PDE4B: variants seen among roughly 807,000 people sequenced by gnomAD.
PDE4B encodes the protein 3',5'-cyclic-AMP phosphodiesterase 4B.
A neutral mutation model predicts 82.2 loss-of-function variants in PDE4B; 20 were observed. The ratio of observed to expected loss-of-function variants is 0.24; its 90% CI spans 0.17 to 0.35. The LOEUF (loss-of-function observed/expected upper bound fraction) is 0.35, where lower values mean the gene tolerates loss of function less well. PDE4B is among the 10% of genes least tolerant of loss of function. PDE4B has a pLI of 1.00. For missense variants in PDE4B, 655 were observed against 907.2 expected, an observed-to-expected ratio of 0.72 and a Z score of 3.57; for synonymous variants, 320 against 318.9, an observed-to-expected ratio of 1.00 and a Z score of -0.04.
intron 1 of PDE4B, among the ~76,000 whole-genome samples, chr1:65,887,632 G>A (rs149699360): frequency 0.013 from 2,026 of 151,156 alleles, 58 homozygotes; most frequent in African/African-American, 0.047. Context: ...TGCCCAGGCT[G>A]GTCTCAAACT....
At chr1:66,203,343 G>T (rs479563) in intron 3 of PDE4B, among the ~76,000 whole-genome samples, 2 of 151,588 alleles carry the variant, frequency 1.3e-5, no homozygotes, top group African/African-American at 4.9e-5. Context: ...TGCTCTTCTC[G>T]AGGAGTATCT....
At chr1:65,924,373 C>T (rs557951445) in intron 3 of PDE4B, among the ~76,000 whole-genome samples, 123 of 151,784 alleles carry the variant, frequency 8.1e-4, no homozygotes, top group Non-Finnish European at 1.3e-3. Context: ...CGCGCCCGGC[C>T]GCTAATTTTT....
chr1:65,831,737 C>A (rs564118909), intron 1 of PDE4B, among the ~76,000 whole-genome samples: 1 of 152,178 alleles, frequency 6.6e-6, no homozygotes, highest in Admixed American at 6.5e-5. Context: ...ATGGATATCT[C>A]CCAGGAACAT....
At chr1:66,272,640 C>T (rs1194291401) in intron 7 of PDE4B, among the ~76,000 whole-genome samples, 1 of 151,924 alleles carries the variant, frequency 6.6e-6, no homozygotes, top group African/African-American at 2.4e-5. Context: ...AATCTTTTTC[C>T]TTTTCTCCCC....
intron 3 of PDE4B, among the ~76,000 whole-genome samples, chr1:66,203,371 T>G (rs1649201564): frequency 6.6e-6 from 1 of 152,180 alleles, no homozygotes; most frequent in Non-Finnish European, 1.5e-5. Flanking sequence ...ATTCTCTGTA[T>G]TTCCTGAATC....
At chr1:66,047,536 C>T (rs1177729724) in intron 3 of PDE4B, among the ~76,000 whole-genome samples, 4 of 151,872 alleles carry the variant, frequency 2.6e-5, no homozygotes, top group Admixed American at 6.6e-5. Flanking sequence ...CAGTGTTGCT[C>T]AGTGTGTTCC....
At chr1:65,932,899 A>G (rs1028683519) in intron 3 of PDE4B, among the ~76,000 whole-genome samples, 8 of 152,162 alleles carry the variant, frequency 5.3e-5, no homozygotes, top group Non-Finnish European at 1.0e-4. Flanking sequence ...ATTCAGTCAG[A>G]AGAGCAAAAA....
chr1:66,345,006 T>C (rs1372889149), intron 8 of PDE4B, among the ~76,000 whole-genome samples: 1 of 152,220 alleles, frequency 6.6e-6, no homozygotes, highest in Admixed American at 6.5e-5. Flanking sequence ...CAATGTAGCA[T>C]GGTAATAAAA....
At chr1:66,218,720 T>C (rs979216319) in intron 3 of PDE4B, among the ~76,000 whole-genome samples, 20 of 152,144 alleles carry the variant, frequency 1.3e-4, no homozygotes, top group African/African-American at 4.6e-4. Context: ...CTTGTACATA[T>C]GCTATTCTAC....
intron 1 of PDE4B, among the ~76,000 whole-genome samples, chr1:65,892,084 T>A (rs1257028592): frequency 6.6e-6 from 1 of 152,118 alleles, no homozygotes; most frequent in Admixed American, 6.6e-5. Flanking sequence ...CAAATTTTGA[T>A]TCCTTGCTTT....
intron 3 of PDE4B, among the ~76,000 whole-genome samples, chr1:66,212,623 C>T (rs1173294492): frequency 6.6e-6 from 1 of 152,128 alleles, no homozygotes; most frequent in Non-Finnish European, 1.5e-5. Flanking sequence ...TCTTTCCCCC[C>T]ACCAGAATGT....
intron 3 of PDE4B, among the ~76,000 whole-genome samples, chr1:66,157,991 A>T (rs1570363017): frequency 6.6e-6 from 1 of 152,170 alleles, no homozygotes; most frequent in East Asian, 1.9e-4. Flanking sequence ...ATATTAGAGC[A>T]CTTGTGTAAT....
intron 1 of PDE4B, among the ~76,000 whole-genome samples, chr1:65,813,957 G>T (rs1645850221): frequency 6.7e-6 from 1 of 150,314 alleles, no homozygotes; most frequent in African/African-American, 2.4e-5. Context: ...TGTCTTCAGT[G>T]TTATGCTGAT....
chr1:65,928,039 C>T (rs1647604770), intron 3 of PDE4B, among the ~76,000 whole-genome samples: 1 of 152,164 alleles, frequency 6.6e-6, no homozygotes, highest in African/African-American at 2.4e-5. Flanking sequence ...CAGCTCAGAG[C>T]CAGTGTCCAC....
chr1:66,011,223 C>A (rs1229543167), intron 3 of PDE4B, among the ~76,000 whole-genome samples: 359 of 133,454 alleles, frequency 2.7e-3, no homozygotes, highest in Non-Finnish European at 3.0e-3. Flanking sequence ...ATTCATCTGC[C>A]AAAAAAAAAA....
chr1:66,010,656 A>G (rs1238184776), intron 3 of PDE4B, among the ~76,000 whole-genome samples: 1 of 150,992 alleles, frequency 6.6e-6, no homozygotes, highest in Non-Finnish European at 1.5e-5. Context: ...CAATTTTTCA[A>G]TGACTTTCTA....
chr1:66,251,544 G>T (rs1028587682), intron 4 of PDE4B, among the ~76,000 whole-genome samples: 4 of 152,054 alleles, frequency 2.6e-5, no homozygotes, highest in African/African-American at 9.7e-5. Context: ...TGTCTTCAAG[G>T]GTACGGAAAC....
intron 3 of PDE4B, among the ~76,000 whole-genome samples, chr1:66,152,926 A>T (rs796165164): frequency 1.3e-5 from 2 of 152,156 alleles, no homozygotes; most frequent in South Asian, 2.1e-4. Flanking sequence ...CCCCACATGC[A>T]TTATTGAGAG....
At chr1:66,328,827 G>A (rs920655309) in intron 7 of PDE4B, among the ~76,000 whole-genome samples, 2 of 152,196 alleles carry the variant, frequency 1.3e-5, no homozygotes, top group African/African-American at 2.4e-5. Context: ...GTTAGCAGCC[G>A]TCTTTGCCCT....
Sources: gnomAD v4.1 joint callset for allele counts (sites outside exome capture counted in the v4.1 genomes callset) on GRCh38, gnomAD v4.1.1 for gene constraint, MANE v1.5 for transcripts, NCBI Gene and HGNC (gene_info 2026-07-23, HGNC 2026-07-21) for gene names.